Variants in DYNC1I1 observed in about 807,000 individuals in gnomAD.
DYNC1I1 encodes the protein cytoplasmic dynein 1 intermediate chain 1.
Under a neutral mutation model 86.6 loss-of-function variants are expected in DYNC1I1, and 43 were observed. That is an observed-to-expected ratio of 0.50 (90% CI 0.39 to 0.64). The LOEUF is 0.64. Among genes scored for constraint, DYNC1I1 ranks in the 30% least tolerant of loss-of-function variants. The pLI, the probability that DYNC1I1 is intolerant of heterozygous loss-of-function variation, is 0.00. For missense variants in DYNC1I1, 604 were observed against 788.8 expected (o/e 0.77, Z 2.81); for synonymous variants, 262 against 283.7 (o/e 0.92, Z 0.77).
At chr7:95,790,738 A>G (rs772626153) in intron 1 of DYNC1I1, among the ~76,000 whole-genome samples, 1 of 152,254 alleles carries the variant, frequency 6.6e-6, no homozygotes, top group Non-Finnish European at 1.5e-5. Flanking sequence ...GCAAGAGAAG[A>G]TGCAAAAAAA....
chr7:96,098,996 G>A (rs1446153518), downstream of DYNC1I1, among the ~76,000 whole-genome samples: 3 of 151,952 alleles, frequency 2.0e-5, no homozygotes, highest in Admixed American at 2.0e-4. Flanking sequence ...TCTCCAAGTA[G>A]CCTACAATAT....
intron 6 of DYNC1I1, among the ~76,000 whole-genome samples, chr7:95,879,540 A>G (rs1374012228): frequency 2.1e-5 from 2 of 93,738 alleles, no homozygotes; most frequent in Non-Finnish European, 5.3e-5. Flanking sequence ...CAAAGAGTAA[A>G]AAGAGTCATG....
chr7:96,008,601 TACTA>T (rs1303848505), intron 10 of DYNC1I1, among the ~76,000 whole-genome samples: 4 of 152,250 alleles, frequency 2.6e-5, no homozygotes, highest in South Asian at 2.1e-4. Context: ...TAAATGATTT[TACTA>T]ACTGTCAAAG....
At chr7:96,040,778 A>G (rs942157165) in intron 14 of DYNC1I1, among the ~76,000 whole-genome samples, 17 of 151,384 alleles carry the variant, frequency 1.1e-4, no homozygotes, top group African/African-American at 3.9e-4. Context: ...CTGGAGTGCA[A>G]TGGCACTATC....
chr7:95,787,200 T>C (rs1377599404), intron 1 of DYNC1I1, among the ~76,000 whole-genome samples: 1 of 152,206 alleles, frequency 6.6e-6, no homozygotes, highest in African/African-American at 2.4e-5. Flanking sequence ...AACTTCCCAC[T>C]GGATCACAGT....
intron 4 of DYNC1I1, among the ~76,000 whole-genome samples, chr7:95,820,945 C>T (rs1248114390): frequency 2.6e-5 from 4 of 152,172 alleles, no homozygotes; most frequent in Non-Finnish European, 5.9e-5. Context: ...TCTGAAAACT[C>T]TCCTGCGGCC....
intron 14 of DYNC1I1, among the ~76,000 whole-genome samples, chr7:96,039,865 G>A (rs913929356): frequency 6.6e-6 from 1 of 151,862 alleles, no homozygotes; most frequent in Non-Finnish European, 1.5e-5. Context: ...TGTTTGGTTC[G>A]TTGATTGGTT....
chr7:96,079,082 G>T (rs1420999579), intron 15 of DYNC1I1, among the ~76,000 whole-genome samples: 1 of 151,916 alleles, frequency 6.6e-6, no homozygotes, highest in African/African-American at 2.4e-5. Context: ...GCGGGTGAAA[G>T]AATTTTTATT....
intron 16 of DYNC1I1, among the ~76,000 whole-genome samples, chr7:96,081,717 A>G (rs1430797734): frequency 3.9e-5 from 6 of 152,210 alleles, no homozygotes. Context: ...TGGTTTCATC[A>G]ATCAGCATTC....
At chr7:95,810,913 A>G (rs1269137121) in intron 3 of DYNC1I1, among the ~76,000 whole-genome samples, 1 of 152,156 alleles carries the variant, frequency 6.6e-6, no homozygotes, top group African/African-American at 2.4e-5. Flanking sequence ...TATGAATTTC[A>G]TAACTACCAC....
At chr7:95,777,820 T>A (rs1793884285) in intron 1 of DYNC1I1, among the ~76,000 whole-genome samples, 1 of 152,202 alleles carries the variant, frequency 6.6e-6, no homozygotes, top group South Asian at 2.1e-4. Context: ...TTCATTATGC[T>A]TTAACTCAGT....
At chr7:95,802,181 T>C (rs1269696736) in intron 1 of DYNC1I1, among the ~76,000 whole-genome samples, 2 of 152,166 alleles carry the variant, frequency 1.3e-5, no homozygotes, top group Non-Finnish European at 1.5e-5. Flanking sequence ...AATTATGACA[T>C]ACATGCTGCA....
intron 6 of DYNC1I1, among the ~76,000 whole-genome samples, chr7:95,910,795 C>T (rs966410838): frequency 2.6e-5 from 4 of 152,136 alleles, no homozygotes; most frequent in African/African-American, 9.7e-5. Context: ...CAATAGCACC[C>T]CTCACAGGGT....
chr7:96,065,225 C>A (rs1175451399), intron 14 of DYNC1I1, among the ~76,000 whole-genome samples: 2 of 152,014 alleles, frequency 1.3e-5, no homozygotes, highest in Non-Finnish European at 2.9e-5. Context: ...CTCATTCCTG[C>A]AGCTCTCTCT....
intron 16 of DYNC1I1, among the ~76,000 whole-genome samples, chr7:96,104,292 G>A (rs2116349290): frequency 6.6e-6 from 1 of 152,006 alleles, no homozygotes; most frequent in East Asian, 1.9e-4. Flanking sequence ...AGATATGTTT[G>A]TTACAAACAT....
chr7:95,785,793 ATATATATATATATATATATATATATT>A (rs1350619133), intron 1 of DYNC1I1, among the ~76,000 whole-genome samples: 1 of 119,840 alleles, frequency 8.3e-6, no homozygotes, highest in Non-Finnish European at 1.6e-5. Flanking sequence ...ATATATATAT[ATATATATATATATATATATATATATT>A]ATATATAACA....
intron 6 of DYNC1I1, among the ~76,000 whole-genome samples, chr7:95,875,439 T>C (rs114874615): frequency 0.026 from 3,915 of 152,280 alleles, 152 homozygotes; most frequent in African/African-American, 0.088. Context: ...ATAATACCAC[T>C]AGTTGACATG....
intron 6 of DYNC1I1, among the ~76,000 whole-genome samples, chr7:95,950,932 C>T (rs1792535557): frequency 6.6e-6 from 1 of 152,160 alleles, no homozygotes; most frequent in Non-Finnish European, 1.5e-5. Context: ...TGGGAAACAT[C>T]CCTCTGTTTT....
At chr7:96,023,971 C>T (rs749752054) in intron 10 of DYNC1I1, among the ~76,000 whole-genome samples, 1 of 152,110 alleles carries the variant, frequency 6.6e-6, no homozygotes, top group African/African-American at 2.4e-5. Context: ...GATGCTTGCC[C>T]TCTTAGAAAT....
Sources: gnomAD v4.1 joint callset for allele counts (sites outside exome capture counted in the v4.1 genomes callset) on GRCh38, gnomAD v4.1.1 for gene constraint, MANE v1.5 for transcripts, NCBI Gene and HGNC (gene_info 2026-07-23, HGNC 2026-07-21) for gene names.